PCDHA5: variants seen among roughly 807,000 people sequenced by gnomAD.
PCDHA5 encodes the protein protocadherin alpha 5.
In PCDHA5, 43 loss-of-function variants were observed where a neutral mutation model predicts 61.6. That is an observed-to-expected ratio of 0.70 (90% confidence interval 0.55 to 0.90). The LOEUF (loss-of-function observed/expected upper bound fraction) is 0.90, where lower values mean the gene tolerates loss of function less well. Among genes scored for constraint, PCDHA5 ranks in the 40% least tolerant of loss-of-function variants. The pLI is 0.00. For missense variants in PCDHA5, 1,298 were observed against 1,222.7 expected (o/e 1.06, Z -0.92); for synonymous variants, 627 against 543.9 (o/e 1.15, Z -2.13).
intron 1 of PCDHA5, among the ~76,000 whole-genome samples, chr5:140,969,915 GC>G (rs1181399848): frequency 2.0e-5 from 3 of 152,192 alleles, no homozygotes; most frequent in African/African-American, 7.2e-5. Flanking sequence ...AAGTGATAAA[GC>G]TGTAGTATTT....
chr5:140,996,198 G>T (rs2097716643), intron 3 of PCDHA5, among the ~76,000 whole-genome samples: 1 of 152,168 alleles, frequency 6.6e-6, no homozygotes, highest in Non-Finnish European at 1.5e-5. Context: ...TACCCTCAAT[G>T]CAAGGATATC....
intron 1 of PCDHA5, chr5:140,927,199 G>A: frequency 4.3e-6 from 7 of 1,614,128 alleles, no homozygotes; most frequent in Non-Finnish European, 5.9e-6. Context: ...GGTGCTCGAG[G>A]ACCCGCTGGA....
rs115129184 is a variant in PCDHA5, at chr5:140,964,722, A to G, written c.2353-14227A>G. 3.1e-3 allele frequency among the ~76,000 whole-genome samples: 468 copies of G among 152,140 alleles called. 3 individuals are homozygous for G. The highest frequency in any genetic ancestry group is 5.1e-3 in the Non-Finnish European group (346 of 67,996). On this transcript the variant is annotated intron_variant, in intron 1 of 3. Transcript: ENST00000529859. ...AAGGCCTCCGAGATCAAATTACCAC[A>G]GCAAACTGAGACAGAATTATTGTAG...
At chr5:140,894,405 CT>C (rs1198263353) in intron 1 of PCDHA5, among the ~76,000 whole-genome samples, 2 of 151,926 alleles carry the variant, frequency 1.3e-5, no homozygotes, top group African/African-American at 4.8e-5. Context: ...CTTTGCTTTT[CT>C]TTTGTAGCTA....
At chr5:140,910,095 C>T (rs1011405673) in intron 1 of PCDHA5, among the ~76,000 whole-genome samples, 1 of 152,188 alleles carries the variant, frequency 6.6e-6, no homozygotes, top group Non-Finnish European at 1.5e-5. Flanking sequence ...GAACCAGCCT[C>T]CCCTTCATTT....
At chr5:140,877,920 C>A in intron 1 of PCDHA5, 1 of 1,422,738 alleles carries the variant, frequency 7.0e-7, no homozygotes, top group Admixed American at 2.9e-5. Flanking sequence ...TCTCATTTTT[C>A]TTTATGATTC....
intron 1 of PCDHA5, chr5:140,869,082 T>A: frequency 6.3e-7 from 1 of 1,582,446 alleles, no homozygotes; most frequent in South Asian, 1.2e-5. Context: ...GAAGCTTATT[T>A]TGGAAGCCAA....
At chr5:140,858,413 A>T (rs150984635) in intron 1 of PCDHA5, 1 of 1,562,352 alleles carries the variant, frequency 6.4e-7, no homozygotes. Flanking sequence ...AGATCAGTCT[A>T]TTGGAGGGGA....
intron 1 of PCDHA5, chr5:140,876,187 G>A (rs1554168344): frequency 1.9e-6 from 3 of 1,613,842 alleles, no homozygotes; most frequent in African/African-American, 2.7e-5. Context: ...GAATGACAAT[G>A]GTCCGGCGTT....
intron 1 of PCDHA5, among the ~76,000 whole-genome samples, chr5:140,923,950 C>A (rs544576500): frequency 6.6e-6 from 1 of 152,148 alleles, no homozygotes; most frequent in Non-Finnish European, 1.5e-5. Context: ...TTTTTCCTCA[C>A]GCCCTAATCT....
chr5:141,002,047 C>A (rs1449885583), intron 3 of PCDHA5, among the ~76,000 whole-genome samples: 2 of 152,202 alleles, frequency 1.3e-5, no homozygotes, highest in Non-Finnish European at 2.9e-5. Flanking sequence ...TCCTGGGCAT[C>A]CAGAGGCAGC....
intron 1 of PCDHA5, chr5:140,966,981 TG>T (rs2096079365): frequency 1.2e-6 from 2 of 1,603,254 alleles, no homozygotes; most frequent in African/African-American, 2.7e-5. Flanking sequence ...CTGCGGCGCT[TG>T]GGGCCGGGTT....
At chr5:141,007,419 T>C (rs1554261276) in intron 3 of PCDHA5, among the ~76,000 whole-genome samples, 3 of 141,394 alleles carry the variant, frequency 2.1e-5, no homozygotes, top group African/African-American at 5.2e-5. Flanking sequence ...AAAAAAAAAA[T>C]TAGCCAGGCA....
intron 1 of PCDHA5, chr5:140,877,061 T>A (rs2056822485): frequency 3.1e-6 from 5 of 1,612,978 alleles, no homozygotes; most frequent in African/African-American, 1.3e-5. Flanking sequence ...GAGCTGGAGC[T>A]GCTGCAGTTC....
At chr5:140,974,108 C>G (rs977903039) in intron 1 of PCDHA5, among the ~76,000 whole-genome samples, 1 of 152,182 alleles carries the variant, frequency 6.6e-6, no homozygotes, top group Non-Finnish European at 1.5e-5. Flanking sequence ...TAAAAGTATT[C>G]TTTTGCAGTG....
Position 140,877,800 on chromosome 5 carries a change from T to G in PCDHA5, c.2352+53673T>G. 2.5e-6 allele frequency: 4 copies of G among 1,613,522 alleles called. No homozygotes were observed. In the Middle Eastern group the frequency reaches 5.0e-4, roughly 200 times the overall value. On this transcript the variant is annotated intron_variant, in intron 1 of 3. Transcript: ENST00000529859. ...ACCTCATGGCCTTCAGCCCAAGCCT[T>G]CAGCTGTCTCGAGAAGATTGTTTAA...
At chr5:140,903,725 T>C (rs2070536820) in intron 1 of PCDHA5, among the ~76,000 whole-genome samples, 1 of 152,256 alleles carries the variant, frequency 6.6e-6, no homozygotes. Context: ...TTCTCCCTAT[T>C]ATCAATTATT....
rs1056248774 is a variant in PCDHA5, at chr5:140,862,628, G to A, written c.2352+38501G>A. On this transcript the variant is annotated intron_variant, in intron 1 of 3. Coordinates refer to ENST00000529859, the MANE Select transcript of PCDHA5 (RefSeq NM_018908.3). The stretch of plus-strand genomic sequence containing the variant: ...GTGAAAGGTAACAACCCGCGGGGCT[G>A]CCACGACTTCACAGTGTCCGCGCGG... The A allele has an allele frequency of 9.4e-6, 5 of 534,028 alleles. No individual in the cohort carries two copies. In the Admixed American group the frequency reaches 9.7e-5, roughly 10 times the overall value. 33.1% of individuals were successfully genotyped at this position (534,028 alleles called of 1,614,324 possible). A position where few individuals can be genotyped will look rare whatever the true frequency, so the allele number is the denominator to read the frequency against.
intron 1 of PCDHA5, chr5:140,877,328 A>G (rs782817195): frequency 1.2e-6 from 2 of 1,613,980 alleles, no homozygotes; most frequent in Non-Finnish European, 1.7e-6. Context: ...GTCGGCGCGC[A>G]CATCCCGTTC....
Sources: gnomAD v4.1 joint callset for allele counts (sites outside exome capture counted in the v4.1 genomes callset) on GRCh38, gnomAD v4.1.1 for gene constraint, MANE v1.5 for transcripts, NCBI Gene and HGNC (gene_info 2026-07-23, HGNC 2026-07-21) for gene names.